The following SIGLEC1 variants were observed in gnomAD, a reference collection of about 807,000 sequenced individuals.
The protein encoded by SIGLEC1 is sialic acid binding Ig like lectin 1, also known as sialoadhesin.
Under a neutral mutation model 148.0 loss-of-function variants are expected in SIGLEC1, and 132 were observed. The ratio of observed to expected loss-of-function variants is 0.89; its 90% CI spans 0.77 to 1.03. The LOEUF is 1.03. Ranked by LOEUF, SIGLEC1 falls within the 50% of genes least tolerant of loss-of-function variation. The pLI is 0.00. For missense variants in SIGLEC1, 2,253 were observed against 2,271.4 expected (o/e 0.99, Z 0.16); for synonymous variants, 945 against 969.0 (o/e 0.98, Z 0.46).
Position 3,691,509 on chromosome 20 carries a change from C to A in SIGLEC1, c.4422G>T (p.Val1474=). The change falls in exon 18 of 22, where the codon GTG becomes GTT. Residue 1474 remains valine, a synonymous_variant. Coordinates refer to ENST00000344754, the MANE Select transcript of SIGLEC1 (RefSeq NM_023068.4). The part of the protein sequence containing the change: ...SCRLLGGPGP[V]GNSTFAWFWN... The stretch of plus-strand genomic sequence containing the variant: ...AGAACCATGCAAAGGTGGAGTTGCC[C>A]ACAGGCCCAGGGCCACCCAGGAGGC... 6.2e-7 allele frequency: 1 copy of A among 1,613,330 alleles called. No individual in the cohort carries two copies. The highest frequency in any genetic ancestry group is 1.1e-5 in the South Asian group (1 of 91,086).
At chr20:3,699,866 A>C (rs2087835798) in intron 7 of SIGLEC1, among the ~76,000 whole-genome samples, 1 of 151,662 alleles carries the variant, frequency 6.6e-6, no homozygotes, top group Non-Finnish European at 1.5e-5. Context: ...GCTGGAGTGC[A>C]GTGGTGTGAT....
At chr20:3,691,231 A>T in intron 18 of SIGLEC1, 109 bp downstream of exon 18, 3 of 1,390,504 alleles carry the variant, frequency 2.2e-6, no homozygotes, top group Non-Finnish European at 3.0e-6. Context: ...CCAACCCAGG[A>T]CTCAATATCC....
chr20:3,696,441 G>C (rs2088822773), intron 11 of SIGLEC1, 145 bp downstream of exon 11: 1 of 453,846 alleles, frequency 2.2e-6, no homozygotes, highest in South Asian at 5.1e-5. Flanking sequence ...GGCAAAGGGA[G>C]GCCTTCTGCT....
Position 3,698,009 on chromosome 20 carries a change from G to A in SIGLEC1, c.1911C>T (p.Leu637=), listed in dbSNP as rs200761542. The A allele has an allele frequency of 1.9e-6, 3 of 1,610,828 alleles. No individual in the cohort carries two copies. The highest frequency in any genetic ancestry group is 4.5e-5 in the East Asian group (2 of 44,784). Residue 637 remains leucine, a synonymous_variant, in exon 9 of 22, where the codon CTC becomes CTT. Coordinates refer to ENST00000344754, the MANE Select transcript of SIGLEC1 (RefSeq NM_023068.4). ...DSDPPARLQL[L]HKDRVVATSL... ...AAGTGGCCACAACACGGTCCTTGTG[G>A]AGCAGCTGCAGCCTGGCGGGGGGGT...
chr20:3,689,769 C>T, intron 19 of SIGLEC1, 67 bp from the exon 20 acceptor site: 3 of 1,418,864 alleles, frequency 2.1e-6, no homozygotes, highest in Non-Finnish European at 2.9e-6. Context: ...TCCAAGGGGA[C>T]CCACCCAAGA....
In SIGLEC1 at chr20:3,693,060, T is replaced by A. The variant is rs1346968770; in HGVS notation, c.3580A>T (p.Thr1194Ser). ...TGGGCGGGCGGGCGGCTGTCCACAG[T>A]GCACAGTACCAGGGCCAGCTGCCCG... ...HGGQLALVLC[T>S]VDSRPPAQLA... Residue 1194 changes from threonine (T) to serine (S), a missense_variant, in exon 15 of 22, where the codon ACT becomes TCT. Transcript: ENST00000344754. 1 of 1,608,116 alleles carries A rather than the reference T, an allele frequency of 6.2e-7. No homozygotes were observed. The highest frequency in any genetic ancestry group is 1.7e-5 in the Admixed American group (1 of 59,848).
chr20:3,698,128 G>T lies in SIGLEC1; in HGVS notation c.1792C>A (p.Pro598Thr), dbSNP rs762524028. The T allele has an allele frequency of 6.9e-6, 11 of 1,593,168 alleles. No individual in the cohort carries two copies. Among genetic ancestry groups the T allele is most frequent in the Non-Finnish European group, 8.5e-6 (10 of 1,172,378 alleles). ...CTGGTGGTGAATGTTGGTTGTCGAG[G>T]GGGGTCTGCAGGGAGGAAGAACATG... ...SPAVLTVLYP[P>T]RQPTFTTRLD... is the part of the protein sequence containing the mutation. Residue 598 changes from proline to threonine, a missense_variant, in exon 9 of 22, where the codon CCT becomes ACT. Transcript: ENST00000344754.
rs371507046 is a variant in SIGLEC1 at position 3,696,141 on chromosome 20, A to ACACACACACACAC, written c.2683+444_2683+445insGTGTGTGTGTGTG. Among the ~76,000 whole-genome samples the ACACACACACACAC allele has an allele frequency of 4.2e-3, 616 of 145,150 alleles. 2 individuals are homozygous for ACACACACACACAC. The highest frequency in any genetic ancestry group is 0.011 in the African/African-American group (430 of 39,442). On this transcript the variant is annotated intron_variant, in intron 11 of 21. Coordinates refer to ENST00000344754, the MANE Select transcript of SIGLEC1 (RefSeq NM_023068.4). ...GAGACTATATATATACACACACACAAACACACACACACACACACACACACA... is the reference window on the plus strand; with the variant it reads ...GAGACTATATATATACACACACACAACACACACACACACACACACACACACACACACACACACA...
chr20:3,705,549 G>T (rs555539235), intron 4 of SIGLEC1, among the ~76,000 whole-genome samples, 195 bp downstream of exon 4: 2 of 152,334 alleles, frequency 1.3e-5, no homozygotes, highest in East Asian at 3.9e-4. Flanking sequence ...GAAGCAGTAG[G>T]AGGTGGAGGG....
At chr20:3,697,395 G>C (rs1344882830) in intron 9 of SIGLEC1, 53 bp from the exon 10 acceptor site, 5 of 1,604,500 alleles carry the variant, frequency 3.1e-6, no homozygotes, top group Non-Finnish European at 4.3e-6. Flanking sequence ...CAGGAGCCAG[G>C]GGTCCAGCCG....
At chr20:3,696,141 A>ACAC (rs371507046) in intron 11 of SIGLEC1, among the ~76,000 whole-genome samples, 1,555 of 145,122 alleles carry the variant, frequency 0.011, 11 homozygotes, top group East Asian at 0.012. Flanking sequence ...CACACACACA[A>ACAC]ACACACACAC....
At position 3,696,827 on chromosome 20, in the gene SIGLEC1, CA is replaced by C. The variant is rs762273461; in HGVS notation, c.2441del (p.Leu814ArgfsTer46). 1.9e-6 allele frequency: 3 copies of C among 1,599,920 alleles called. No homozygotes were observed. Among genetic ancestry groups the C allele is most frequent in the East Asian group, 2.2e-5 (1 of 44,694 alleles). On this transcript the variant is annotated frameshift_variant, in exon 11 of 22. Coordinates refer to ENST00000344754, the MANE Select transcript of SIGLEC1 (RefSeq NM_023068.4). LOFTEE classifies it high-confidence loss of function. ...GGCGGCTGTCCACAGTGCAGATGAA[CA>C]GAGCCATGTGGCCCTGGCCCATGTC... ...LLDMGQGHMA[L>X]FICTVDSRPL...
rs974682693 is a variant in SIGLEC1 at position 3,688,090 on chromosome 20, G to A, written c.*470C>T. ...AAACCATCGTAACAGCCAGACTAGC[G>A]TGGGAGAGAAAAATAAAATTCTATC... On this transcript the variant is annotated 3_prime_UTR_variant, in exon 22 of 22. Coordinates refer to ENST00000344754, the MANE Select transcript of SIGLEC1 (RefSeq NM_023068.4). The A allele has an allele frequency of 3.7e-5, 7 of 191,110 alleles. No homozygotes were observed. Among genetic ancestry groups the A allele is most frequent in the South Asian group, 9.0e-5 (1 of 11,082 alleles). The allele number at this position is 191,110 out of a possible 1,614,324, so 11.8% of individuals were successfully genotyped here. A position where few individuals can be genotyped will look rare whatever the true frequency, so the allele number is the denominator to read the frequency against.
chr20:3,702,159 G>A (rs905342097), intron 6 of SIGLEC1, among the ~76,000 whole-genome samples: 3 of 152,192 alleles, frequency 2.0e-5, no homozygotes. Context: ...TCAGACTAAC[G>A]GAGAATGAAG....
intron 1 of SIGLEC1, among the ~76,000 whole-genome samples, chr20:3,708,022 G>A (rs192974134): frequency 6.6e-6 from 1 of 152,332 alleles, no homozygotes; most frequent in East Asian, 1.9e-4. Context: ...TCAGGACCTA[G>A]AACTGAAGAT....
At chr20:3,708,222 T>C (rs2087909583) in intron 1 of SIGLEC1, among the ~76,000 whole-genome samples, 1 of 152,126 alleles carries the variant, frequency 6.6e-6, no homozygotes, top group Admixed American at 6.5e-5. Context: ...ATGAGCTCAA[T>C]GTGTGCGGAG....
intron 9 of SIGLEC1, 66 bp from the exon 10 acceptor site, chr20:3,697,408 C>A: frequency 2.5e-6 from 4 of 1,598,654 alleles, no homozygotes; most frequent in Non-Finnish European, 3.4e-6. Flanking sequence ...TCCAGCCGCC[C>A]AGCCTGGAAG....
At chr20:3,689,071 T>A in intron 21 of SIGLEC1, 84 bp downstream of exon 21, 1 of 1,213,622 alleles carries the variant, frequency 8.2e-7, no homozygotes, top group Non-Finnish European at 1.2e-6. Context: ...GGCACCATCC[T>A]CTAAATGACA....
chr20:3,708,575 G>A (rs774408771), intron 1 of SIGLEC1, among the ~76,000 whole-genome samples: 7 of 151,768 alleles, frequency 4.6e-5, no homozygotes, highest in African/African-American at 1.7e-4. Flanking sequence ...AGACGAGCCT[G>A]GGCAATACTG....
Sources: gnomAD v4.1 joint callset for allele counts (sites outside exome capture counted in the v4.1 genomes callset) on GRCh38, gnomAD v4.1.1 for gene constraint, MANE v1.5 for transcripts, NCBI Gene and HGNC (gene_info 2026-07-23, HGNC 2026-07-21) for gene names.